GRAMD1B: variants seen among roughly 807,000 people sequenced by gnomAD.
The protein encoded by GRAMD1B is protein Aster-B.
GRAMD1B carries 37 observed loss-of-function variants against 99.7 expected under a neutral mutation model. The ratio of observed to expected loss-of-function variants is 0.37; its 90% CI spans 0.29 to 0.49. GRAMD1B has a LOEUF of 0.49. Ranked by LOEUF, GRAMD1B falls within the 20% of genes least tolerant of loss-of-function variation. The probability of loss-of-function intolerance (pLI) is 0.98; values close to 1 mark genes in which losing one functional copy is unlikely to be tolerated. For missense variants in GRAMD1B, 888 were observed against 1,009.2 expected, an observed-to-expected ratio of 0.88 and a Z score of 1.63; for synonymous variants, 427 against 387.6, an observed-to-expected ratio of 1.10 and a Z score of -1.19.
intron 3 of GRAMD1B, among the ~76,000 whole-genome samples, chr11:123,577,786 G>C (rs1231101809): frequency 6.7e-6 from 1 of 150,108 alleles, no homozygotes; most frequent in African/African-American, 2.5e-5. Context: ...TTGGTGGGCT[G>C]GGCGAGGTAG....
Position 123,618,847 on chromosome 11 carries a change from G to A in GRAMD1B, c.2426+47G>A, listed in dbSNP as rs1357602349. On this transcript the variant is annotated intron_variant, in intron 18 of 19. Transcript: ENST00000635736. ...CACCTCCACCTTCATCCCACCCAGT[G>A]CCATGATACCTGTCTCCCAGTCTCC... is the stretch of plus-strand genomic sequence containing the variant. 20 of 936,028 alleles carry A rather than the reference G, an allele frequency of 2.1e-5. No homozygotes were observed. In the East Asian group the frequency reaches 5.0e-4, roughly 23 times the overall value. 58.0% of individuals were successfully genotyped at this position (936,028 alleles called of 1,614,324 possible). A position where few individuals can be genotyped will look rare whatever the true frequency, so the allele number is the denominator to read the frequency against.
chr11:123,496,370 G>A (rs377715258), intron 2 of GRAMD1B, among the ~76,000 whole-genome samples: 2 of 151,856 alleles, frequency 1.3e-5, no homozygotes, highest in East Asian at 1.9e-4. Flanking sequence ...CTTTTCTCTC[G>A]CTGCTTTTAG....
intron 3 of GRAMD1B, among the ~76,000 whole-genome samples, chr11:123,581,464 T>C (rs2136290237): frequency 6.6e-6 from 1 of 152,282 alleles, no homozygotes; most frequent in South Asian, 2.1e-4. Flanking sequence ...TGGCAGAGCC[T>C]TTGGGACTCA....
chr11:123,403,409 A>C (rs1243428928), intron 1 of GRAMD1B, among the ~76,000 whole-genome samples: 1 of 150,358 alleles, frequency 6.7e-6, no homozygotes, highest in Non-Finnish European at 1.5e-5. Context: ...CCTGGGCAAC[A>C]AGAGCTAAAC....
chr11:123,397,918 C>T (rs1015264952), intron 1 of GRAMD1B, among the ~76,000 whole-genome samples: 7 of 152,186 alleles, frequency 4.6e-5, no homozygotes, highest in Non-Finnish European at 1.0e-4. Context: ...ATAACAGTAG[C>T]TTGTTCCTTT....
At chr11:123,620,354 A>G (rs1162333846) in intron 19 of GRAMD1B, among the ~76,000 whole-genome samples, 1 of 150,886 alleles carries the variant, frequency 6.6e-6, no homozygotes, top group Non-Finnish European at 1.5e-5. Context: ...CACACCTGTA[A>G]TCCCAGCTAC....
At chr11:123,433,675 C>CGTGT (rs927654271) in intron 1 of GRAMD1B, among the ~76,000 whole-genome samples, 1 of 97,002 alleles carries the variant, frequency 1.0e-5, no homozygotes, top group Non-Finnish European at 2.1e-5. Context: ...TAAAATGTTA[C>CGTGT]GTGCGTGTGT....
At chr11:123,474,101 A>G (rs12797056) in intron 1 of GRAMD1B, among the ~76,000 whole-genome samples, 13,637 of 152,160 alleles carry the variant, frequency 0.09, 884 homozygotes, top group Admixed American at 0.19. Flanking sequence ...TGCACTGGCT[A>G]TTTCAAAATA....
chr11:123,388,566 C>A (rs1379160157), intron 1 of GRAMD1B, among the ~76,000 whole-genome samples: 1 of 151,804 alleles, frequency 6.6e-6, no homozygotes, highest in Non-Finnish European at 1.5e-5. Context: ...CCCAGCTACT[C>A]GAGAGGCTGA....
intron 11 of GRAMD1B, chr11:123,608,078 T>A (rs1952988569): frequency 6.1e-6 from 1 of 163,726 alleles, no homozygotes; most frequent in Non-Finnish European, 1.3e-5. Flanking sequence ...GCTGTAATCC[T>A]AAGTTTAAAA....
In GRAMD1B at chr11:123,624,742, T is replaced by C. The variant is rs1300132100; in HGVS notation, c.*2147T>C. On this transcript the variant is annotated 3_prime_UTR_variant, in exon 20 of 20. Transcript: ENST00000635736. ...CTTGTAGATTCCTGAATTTATTCCATACATAATTATTTCCTTAAGTTATTT... is the reference window on the plus strand; with the variant it reads ...CTTGTAGATTCCTGAATTTATTCCACACATAATTATTTCCTTAAGTTATTT... 3.3e-5 allele frequency: 5 copies of C among 152,372 alleles called. No individual in the cohort carries two copies. The highest frequency in any genetic ancestry group is 4.1e-4 in the South Asian group (2 of 4,832). 9.4% of individuals were successfully genotyped at this position (152,372 alleles called of 1,614,324 possible).
intron 1 of GRAMD1B, among the ~76,000 whole-genome samples, chr11:123,434,882 G>C (rs996299486): frequency 6.6e-6 from 1 of 152,178 alleles, no homozygotes; most frequent in Non-Finnish European, 1.5e-5. Context: ...TTCTATCATC[G>C]ATTAGCTATG....
intron 17 of GRAMD1B, chr11:123,618,224 T>G: frequency 1.3e-6 from 1 of 799,096 alleles, no homozygotes. Context: ...GCTTCTAGTA[T>G]TTTTTTCTCA....
intron 1 of GRAMD1B, among the ~76,000 whole-genome samples, chr11:123,476,040 C>T (rs1287680111): frequency 6.6e-6 from 1 of 151,824 alleles, no homozygotes; most frequent in Non-Finnish European, 1.5e-5. Flanking sequence ...TCTGGAAATT[C>T]TGCTCAACAA....
chr11:123,402,127 T>C (rs938230150), intron 1 of GRAMD1B, among the ~76,000 whole-genome samples: 3 of 152,206 alleles, frequency 2.0e-5, no homozygotes, highest in Non-Finnish European at 4.4e-5. Flanking sequence ...GCGATTCTCC[T>C]GCCTCAGCCT....
At chr11:123,577,600 G>A (rs755994993) in intron 3 of GRAMD1B, 23 bp downstream of exon 3, 10 of 1,539,846 alleles carry the variant, frequency 6.5e-6, no homozygotes, top group Non-Finnish European at 8.8e-6. Flanking sequence ...CCGTTGAGGC[G>A]GTACCTCCTT....
At chr11:123,370,845 T>C (rs1167337694) in intron 1 of GRAMD1B, among the ~76,000 whole-genome samples, 1 of 152,086 alleles carries the variant, frequency 6.6e-6, no homozygotes, top group Non-Finnish European at 1.5e-5. Flanking sequence ...GGCATGATCG[T>C]CTCAATCTGC....
intron 2 of GRAMD1B, among the ~76,000 whole-genome samples, chr11:123,551,601 T>G (rs548605955): frequency 9.9e-5 from 15 of 152,256 alleles, no homozygotes; most frequent in South Asian, 4.2e-4. Context: ...AGGACTTTGT[T>G]GTATATGTGA....
At chr11:123,616,070 T>A (rs1462479205) in intron 17 of GRAMD1B, among the ~76,000 whole-genome samples, 3 of 152,160 alleles carry the variant, frequency 2.0e-5, no homozygotes, top group Admixed American at 1.3e-4. Flanking sequence ...ACACGTGTAA[T>A]CCCAGCACTT....
Sources: allele counts gnomAD v4.1 joint callset (sites outside exome capture counted in the v4.1 genomes callset), GRCh38; gene constraint gnomAD v4.1.1; transcripts MANE v1.5; gene names NCBI Gene and HGNC (gene_info 2026-07-23, HGNC 2026-07-21).